The following CLVS1 variants were observed in gnomAD, a reference collection of about 807,000 sequenced individuals.
CLVS1 encodes the protein clavesin-1.
In CLVS1, 10 loss-of-function variants were observed where a neutral mutation model predicts 33.1. The observed-to-expected ratio is 0.30, with a 90% CI of 0.19 to 0.51. The LOEUF (loss-of-function observed/expected upper bound fraction) is 0.51. Among genes scored for constraint, CLVS1 ranks in the 20% least tolerant of loss-of-function variants. The pLI, the probability that CLVS1 is intolerant of heterozygous loss-of-function variation, is 0.97. For synonymous variants in CLVS1, 163 were observed against 166.1 expected (o/e 0.98, Z 0.14); for missense variants, 343 against 433.4 (o/e 0.79, Z 1.85).
intron 2 of CLVS1, among the ~76,000 whole-genome samples, chr8:61,181,579 C>T (rs959559015): frequency 6.6e-6 from 1 of 151,820 alleles, no homozygotes; most frequent in African/African-American, 2.4e-5. Context: ...TGACTTCAAA[C>T]TATACTATAA....
intron 3 of CLVS1, among the ~76,000 whole-genome samples, chr8:61,397,068 G>A (rs1283848210): frequency 2.0e-5 from 3 of 152,034 alleles, no homozygotes; most frequent in Non-Finnish European, 4.4e-5. Flanking sequence ...AAAATTGCTG[G>A]ATCATATGAT....
At chr8:61,262,372 G>T (rs1809223596) in intron 2 of CLVS1, among the ~76,000 whole-genome samples, 1 of 151,982 alleles carries the variant, frequency 6.6e-6, no homozygotes, top group Non-Finnish European at 1.5e-5. Flanking sequence ...ATAGAACAGA[G>T]TCCACTCATC....
intron 2 of CLVS1, chr8:61,202,243 T>C (rs1807748560): frequency 3.9e-6 from 2 of 515,080 alleles, no homozygotes; most frequent in Non-Finnish European, 7.1e-6. Context: ...CTAGCAGATA[T>C]TTAAGAATGT....
At chr8:61,011,002 C>T in the CLVS1 span, among the ~76,000 whole-genome samples, 1 of 152,258 alleles carries the variant, frequency 6.6e-6, no homozygotes, top group Admixed American at 6.5e-5. Context: ...AAGAGTCCCC[C>T]GTATCTGTTA....
At chr8:61,275,577 T>C (rs184658765) in intron 2 of CLVS1, among the ~76,000 whole-genome samples, 1 of 152,152 alleles carries the variant, frequency 6.6e-6, no homozygotes, top group Non-Finnish European at 1.5e-5. Context: ...TTGGAAGGAA[T>C]AGTAAAAAGG....
At chr8:61,096,752 A>G (rs1805358542) in intron 1 of CLVS1, among the ~76,000 whole-genome samples, 1 of 152,106 alleles carries the variant, frequency 6.6e-6, no homozygotes, top group Non-Finnish European at 1.5e-5. Flanking sequence ...CTCTCACAGG[A>G]TAGCATTTCA....
the CLVS1 span, among the ~76,000 whole-genome samples, chr8:61,006,404 G>A: frequency 6.6e-6 from 1 of 152,166 alleles, no homozygotes; most frequent in Admixed American, 6.5e-5. Flanking sequence ...TTACTCTCAA[G>A]GATGCCGCTG....
At chr8:61,160,255 C>A (rs765920267) in intron 2 of CLVS1, among the ~76,000 whole-genome samples, 2 of 152,036 alleles carry the variant, frequency 1.3e-5, no homozygotes, top group Non-Finnish European at 2.9e-5. Flanking sequence ...AAATCAGTAC[C>A]AATATTAAGT....
At chr8:61,446,091 A>G (rs1189536152) in intron 3 of CLVS1, among the ~76,000 whole-genome samples, 1 of 151,930 alleles carries the variant, frequency 6.6e-6, no homozygotes, top group Non-Finnish European at 1.5e-5. Context: ...AATTTTATTG[A>G]TCTTTTCAAT....
At chr8:61,032,978 A>G in the CLVS1 span, among the ~76,000 whole-genome samples, 1 of 78,294 alleles carries the variant, frequency 1.3e-5, no homozygotes, top group East Asian at 4.4e-4. Context: ...GGAAGGAAGG[A>G]AGGAAGGAAG....
intron 2 of CLVS1, among the ~76,000 whole-genome samples, chr8:61,223,243 A>C (rs1242115052): frequency 6.6e-6 from 1 of 152,030 alleles, no homozygotes; most frequent in Non-Finnish European, 1.5e-5. Flanking sequence ...GTTATTTTGC[A>C]CACTAGTTGG....
intron 2 of CLVS1, among the ~76,000 whole-genome samples, chr8:61,183,059 C>T (rs1463690321): frequency 6.6e-6 from 1 of 151,694 alleles, no homozygotes; most frequent in Non-Finnish European, 1.5e-5. Flanking sequence ...GAAAACCAAA[C>T]ATCGCATGTT....
At chr8:61,281,946 C>T (rs868164865) in intron 2 of CLVS1, among the ~76,000 whole-genome samples, 10 of 152,184 alleles carry the variant, frequency 6.6e-5, no homozygotes, top group Non-Finnish European at 1.3e-4. Flanking sequence ...ATAACTAACA[C>T]GCCATGAAGT....
At chr8:61,312,150 C>T (rs796737635) in intron 2 of CLVS1, among the ~76,000 whole-genome samples, 47 of 152,264 alleles carry the variant, frequency 3.1e-4, no homozygotes, top group African/African-American at 1.1e-3. Context: ...ACTGTAGAGC[C>T]GAGAAGGAAA....
chr8:61,197,665 G>T (rs992926096), intron 2 of CLVS1, among the ~76,000 whole-genome samples: 4 of 152,020 alleles, frequency 2.6e-5, no homozygotes, highest in Non-Finnish European at 5.9e-5. Flanking sequence ...GATTACAAGC[G>T]CCTGCCCCCA....
At chr8:61,441,301 C>T (rs879864546) in intron 3 of CLVS1, among the ~76,000 whole-genome samples, 12 of 152,302 alleles carry the variant, frequency 7.9e-5, no homozygotes, top group Middle Eastern at 3.4e-3. Flanking sequence ...CCCTGAAAGA[C>T]GGTCCTCCCT....
chr8:61,168,093 C>G (rs1323140462), intron 2 of CLVS1, among the ~76,000 whole-genome samples: 1 of 152,150 alleles, frequency 6.6e-6, no homozygotes, highest in Non-Finnish European at 1.5e-5. Flanking sequence ...TCGAAGAACC[C>G]TCTTGGGGTT....
At chr8:61,481,656 G>A (rs112455006) in intron 5 of CLVS1, among the ~76,000 whole-genome samples, 4,122 of 152,310 alleles carry the variant, frequency 0.027, 77 homozygotes, top group South Asian at 0.065. Flanking sequence ...GGAGAGGGGC[G>A]TCTGTCATTG....
chr8:61,458,271 T>C (rs2129607192), intron 4 of CLVS1, 36 bp from the exon 5 acceptor site: 1 of 1,494,348 alleles, frequency 6.7e-7, no homozygotes, highest in East Asian at 2.3e-5. Context: ...ATGTTTTGGA[T>C]TTTGTATTGC....
Sources: gnomAD v4.1 joint callset for allele counts (sites outside exome capture counted in the v4.1 genomes callset) on GRCh38, gnomAD v4.1.1 for gene constraint, MANE v1.5 for transcripts, NCBI Gene and HGNC (gene_info 2026-07-23, HGNC 2026-07-21) for gene names.